USP20: variants seen among roughly 807,000 people sequenced by gnomAD.
The protein encoded by USP20 is ubiquitin specific peptidase 20.
A neutral mutation model predicts 124.2 loss-of-function variants in USP20; 80 were observed. That is an observed-to-expected ratio of 0.64 (90% confidence interval 0.54 to 0.78). The LOEUF is 0.78. USP20 is among the 30% of genes least tolerant of loss of function. The pLI, the probability that USP20 is intolerant of heterozygous loss-of-function variation, is 0.00. For synonymous variants in USP20, 481 were observed against 512.3 expected (o/e 0.94, Z 0.83); for missense variants, 1,043 against 1,244.4 (o/e 0.84, Z 2.44).
intron 9 of USP20, 37 bp from the exon 10 acceptor site, chr9:129,865,266 C>T (rs1320633723): frequency 6.2e-7 from 1 of 1,608,730 alleles, no homozygotes; most frequent in South Asian, 1.1e-5. Context: ...CAGCTCAAGG[C>T]AGGCTACCTG....
At chr9:129,845,118 G>A (rs142285792) in intron 1 of USP20, among the ~76,000 whole-genome samples, 60 of 152,336 alleles carry the variant, frequency 3.9e-4, no homozygotes, top group African/African-American at 1.4e-3. Flanking sequence ...CTTGGCCCCT[G>A]TGAGTCACCT....
At position 129,868,269 on chromosome 9, in the gene USP20, C is replaced by T. The variant is rs921164752; in HGVS notation, c.955C>T (p.Arg319Ter). Reference protein sequence around the residue: ...TELLIPDEAGRAISEKERMKD... With the variant: ...TELLIPDEAG ...GCTGCTGATCCCAGATGAGGCGGGC[C>T]GAGCCATCTCTGAGAAGGAGCGGAT... The change falls in exon 11 of 26, where the codon CGA (arginine) becomes TGA (stop). Residue 319 changes from arginine (R) to a stop codon, truncating the protein, a stop_gained. Coordinates refer to ENST00000372429, the MANE Select transcript of USP20 (RefSeq NM_001110303.4). LOFTEE classifies it high-confidence loss of function. 6 of 1,613,980 alleles carry T rather than the reference C, an allele frequency of 3.7e-6. No individual in the cohort carries two copies. The highest frequency in any genetic ancestry group is 2.2e-5 in the East Asian group (1 of 44,878).
intron 11 of USP20, 71 bp from the exon 12 acceptor site, chr9:129,868,791 G>T: frequency 6.7e-7 from 1 of 1,500,400 alleles, no homozygotes; most frequent in Non-Finnish European, 8.9e-7. Flanking sequence ...GGGCTGGCAG[G>T]TCATCTTCCT....
At chr9:129,861,707 C>A in intron 8 of USP20, 95 bp downstream of exon 8, 1 of 1,152,000 alleles carries the variant, frequency 8.7e-7, no homozygotes, top group Non-Finnish European at 1.3e-6. Context: ...CCCACAAACA[C>A]ATGTATAGGA....
intron 1 of USP20, among the ~76,000 whole-genome samples, chr9:129,837,714 TG>T (rs1450416843): frequency 6.6e-6 from 1 of 152,004 alleles, no homozygotes; most frequent in African/African-American, 2.4e-5. Flanking sequence ...TCCGGGAGGG[TG>T]GCAAGGTTGA....
In USP20 at chr9:129,860,968, C is replaced by G. The variant is rs1417355520; in HGVS notation, c.362C>G (p.Ala121Gly). Residue 121 changes from alanine (A) to glycine (G), a missense_variant, in exon 7 of 26, where the codon GCT becomes GGT. Coordinates refer to ENST00000372429, the MANE Select transcript of USP20 (RefSeq NM_001110303.4). ...CCGCCACCCTCCCACCCTCTGAAAG[C>G]TGTTCCTATTGCTGTGGCTGATGAA... ...DSPPPSHPLK[A>G]VPIAVADEGE... 2 of 1,613,812 alleles carry G rather than the reference C, an allele frequency of 1.2e-6. No individual in the cohort carries two copies. The highest frequency in any genetic ancestry group is 4.5e-5 in the East Asian group (2 of 44,896).
chr9:129,835,810 G>GGCGTCTC (rs1245716808), intron 1 of USP20: 2 of 152,348 alleles, frequency 1.3e-5, no homozygotes, highest in African/African-American at 2.4e-5. Flanking sequence ...GCATCCGCGT[G>GGCGTCTC]GCGTCTCGCG....
chr9:129,879,738 C>T lies in USP20; in HGVS notation c.2584+94C>T, dbSNP rs1010891981. ...CGTCCTTCCAGGAGCCCCCTTACCA[C>T]CTGTCTTAGAGTCAGGCTGAGACGT... is the stretch of plus-strand genomic sequence containing the variant. On this transcript the variant is annotated intron_variant, in intron 24 of 25. Transcript: ENST00000372429. The surrounding 1 kb of genome is among the most constrained non-coding windows in gnomAD (Gnocchi z 4.2). The T allele has an allele frequency of 9.7e-6, 14 of 1,437,192 alleles. No homozygotes were observed. The African/African-American group carries it at 1.7e-4, about 17-fold the overall frequency. The allele number at this position is 1,437,192 out of a possible 1,614,324, so 89.0% of individuals were successfully genotyped here.
At position 129,873,713 on chromosome 9, in the gene USP20, T is replaced by C. The variant is rs1357958435; in HGVS notation, c.1709T>C (p.Val570Ala). The stretch of plus-strand genomic sequence containing the variant: ...TTCCTCCCCAGGCTGCGGAACGGAG[T>C]GAAGTACTGCAAAGTCCTGCGGTTG... Reference protein sequence around the residue: ...CERCKKLRNGVKYCKVLRLPE... With the variant: ...CERCKKLRNGAKYCKVLRLPE... The change falls in exon 17 of 26, where the codon GTG becomes GCG. Residue 570 changes from valine to alanine, a missense_variant. By Grantham distance (64) the Val-to-Ala change is moderately conservative. Coordinates refer to ENST00000372429, the MANE Select transcript of USP20 (RefSeq NM_001110303.4). The C allele has an allele frequency of 1.2e-6, 2 of 1,612,910 alleles. No homozygotes were observed. The highest frequency in any genetic ancestry group is 2.7e-5 in the African/African-American group (2 of 74,836).
intron 1 of USP20, chr9:129,835,750 C>T (rs1157670772): frequency 6.6e-6 from 1 of 152,410 alleles, no homozygotes; most frequent in Non-Finnish European, 1.5e-5. Flanking sequence ...TTCTCCAGAA[C>T]CGGGGCCGCC....
chr9:129,878,348 C>T lies in USP20; in HGVS notation c.2420C>T (p.Ala807Val). Residue 807 changes from alanine to valine, a missense_variant, in exon 23 of 26, where the codon GCC (alanine) becomes GTC (valine). Ala to Val is a moderately conservative substitution (Grantham distance 64, BLOSUM62 0). Transcript: ENST00000372429. ...CTGCCCGCCTGCCAGTTGAACAAGGCCTTCCAGGCCGAGGAGTCGCCGGGC... is the reference window on the plus strand; with the variant it reads ...CTGCCCGCCTGCCAGTTGAACAAGGTCTTCCAGGCCGAGGAGTCGCCGGGC... Reference protein sequence around the residue: ...EIDTFIKLNKAFQAEESPGVI... With the variant: ...EIDTFIKLNKVFQAEESPGVI... 6.3e-7 allele frequency: 1 copy of T among 1,592,886 alleles called. No homozygotes were observed. Among genetic ancestry groups the T allele is most frequent in the Non-Finnish European group, 8.5e-7 (1 of 1,169,766 alleles).
intron 3 of USP20, 131 bp from the exon 4 acceptor site, chr9:129,856,176 A>G (rs1250767018): frequency 4.6e-6 from 4 of 871,692 alleles, no homozygotes; most frequent in Non-Finnish European, 7.5e-6. Flanking sequence ...TTCTGGGGCC[A>G]GGGCTTGAAG....
At chr9:129,874,434 C>T in intron 17 of USP20, 142 bp from the exon 18 acceptor site, 1 of 1,097,524 alleles carries the variant, frequency 9.1e-7, no homozygotes, top group Non-Finnish European at 1.3e-6. Context: ...CGAGCCCAGT[C>T]TGGCCCCCAC....
At chr9:129,865,417 C>G in intron 10 of USP20, 36 bp downstream of exon 10, 1 of 1,610,316 alleles carries the variant, frequency 6.2e-7, no homozygotes, top group Non-Finnish European at 8.5e-7. Context: ...ACACCCAAGG[C>G]CATGACCCAC....
intron 2 of USP20, among the ~76,000 whole-genome samples, chr9:129,851,514 C>G (rs1387328081): frequency 2.0e-5 from 3 of 151,810 alleles, no homozygotes; most frequent in Non-Finnish European, 4.4e-5. Flanking sequence ...GTTCTGTAGG[C>G]ACTCATGTGT....
chr9:129,847,430 G>A lies in USP20; in HGVS notation c.-128-2383G>A, dbSNP rs540552654. ...TGATTCTTCCACCTCAACCTCCTGA[G>A]TAGCTGGAATTACAGGCGCTTCCCA... is the stretch of plus-strand genomic sequence containing the variant. On this transcript the variant is annotated intron_variant, in intron 1 of 25. Coordinates refer to ENST00000372429, the MANE Select transcript of USP20 (RefSeq NM_001110303.4). 7.9e-5 allele frequency among the ~76,000 whole-genome samples: 12 copies of A among 151,388 alleles called. No homozygotes were observed. The South Asian group carries it at 2.5e-3, about 32-fold the overall frequency.
intron 15 of USP20, among the ~76,000 whole-genome samples, chr9:129,872,175 CAG>C (rs1286763567): frequency 2.0e-5 from 3 of 150,762 alleles, no homozygotes; most frequent in Admixed American, 1.3e-4. Flanking sequence ...TTTCTTGAGA[CAG>C]AGTCTCACTC....
At position 129,858,552 on chromosome 9, in the gene USP20, G is replaced by A. The variant is rs770716278; in HGVS notation, c.284G>A (p.Arg95Gln). 2.0e-5 allele frequency: 33 copies of A among 1,614,090 alleles called. No homozygotes were observed. Among genetic ancestry groups the A allele is most frequent in the Middle Eastern group, 1.6e-4 (1 of 6,082 alleles). Residue 95 changes from arginine (R) to glutamine (Q), a missense_variant, in exon 6 of 26, where the codon CGG becomes CAG. Transcript: ENST00000372429. Reference sequence around the variant, plus strand: ...GAGAAGGAGGTATTCCTGGAGCAGCGGCTGGCAGCCCCTCTGCTGGGCTCC... The same window carrying A: ...GAGAAGGAGGTATTCCTGGAGCAGCAGCTGGCAGCCCCTCTGCTGGGCTCC... ...ACEKEVFLEQ[R>Q]LAAPLLGSSS...
intron 7 of USP20, 38 bp downstream of exon 7, chr9:129,861,071 G>A (rs1452219611): frequency 6.3e-7 from 1 of 1,596,976 alleles, no homozygotes; most frequent in Admixed American, 1.7e-5. Flanking sequence ...GATGGGCTGG[G>A]CTGGGGGCCC....
Sources: allele counts gnomAD v4.1 joint callset (sites outside exome capture counted in the v4.1 genomes callset), GRCh38; gene constraint gnomAD v4.1.1; non-coding constraint Gnocchi (gnomAD v3.1); transcripts MANE v1.5; gene names NCBI Gene and HGNC (gene_info 2026-07-23, HGNC 2026-07-21).